SH3TC1: variants seen among roughly 807,000 people sequenced by gnomAD.
The protein encoded by SH3TC1 is SH3 domain and tetratricopeptide repeat-containing protein 1.
In SH3TC1, 135 loss-of-function variants were observed where a neutral mutation model predicts 117.3. The observed-to-expected ratio is 1.15, with a 90% CI of 1.00 to 1.33. The LOEUF is 1.33. SH3TC1 is among the 40% of genes most tolerant of loss of function. The probability of loss-of-function intolerance (pLI) is 0.00; values close to 1 mark genes in which losing one functional copy is unlikely to be tolerated. For missense variants in SH3TC1, 2,092 were observed against 1,794.3 expected, an observed-to-expected ratio of 1.17 and a Z score of -3.00; for synonymous variants, 898 against 816.9, an observed-to-expected ratio of 1.10 and a Z score of -1.69.
At position 8,232,035 on chromosome 4, in the gene SH3TC1, G is replaced by T. The variant is rs547217560; in HGVS notation, c.3010G>T (p.Ala1004Ser). Residue 1004 changes from alanine (A) to serine (S), a missense_variant, in exon 13 of 18, where the codon GCC becomes TCC. Ala to Ser is a moderately conservative substitution (Grantham distance 99). Transcript: ENST00000245105. ...CTACAGCGCCGTCATGCCCAGCGAG[G>T]CCCAGTGTGTCATCTACCATGAGCT... ...HFYSAVMPSE[A>S]QCVIYHELQL... 22 of 1,613,070 alleles carry T rather than the reference G, an allele frequency of 1.4e-5. No homozygotes were observed. The highest frequency in any genetic ancestry group is 1.8e-5 in the Non-Finnish European group (21 of 1,180,028).
rs1419617018 is a variant in SH3TC1 at position 8,205,510 on chromosome 4, T to C, written c.172+144T>C. 3.5e-6 allele frequency: 4 copies of C among 1,141,944 alleles called. No individual in the cohort carries two copies. The African/African-American group carries it at 6.1e-5, about 17-fold the overall frequency. The allele number at this position is 1,141,944 out of a possible 1,614,324, so 70.7% of individuals were successfully genotyped here. A position where few individuals can be genotyped will look rare whatever the true frequency, so the allele number is the denominator to read the frequency against. ...GGAGTCTGCTCTCCATCACTTCTCG[T>C]TTCCTTCCCCCGCGTGTGTTTAACA... On this transcript the variant is annotated intron_variant, in intron 2 of 17. Transcript: ENST00000245105. This position sits in a 1 kb window ranked among gnomAD's most constrained non-coding sequence, Gnocchi z 5.4.
intron 7 of SH3TC1, among the ~76,000 whole-genome samples, chr4:8,217,835 T>C (rs1719445949): frequency 2.0e-5 from 3 of 152,186 alleles, no homozygotes; most frequent in Admixed American, 2.0e-4. Context: ...TTTTTCTGGC[T>C]GAAGGAACTG....
In SH3TC1 at chr4:8,219,493, C is replaced by G. The variant is rs138612545; in HGVS notation, c.1075C>G (p.Arg359Gly). Residue 359 changes from arginine to glycine, a missense_variant, in exon 9 of 18, where the codon CGG becomes GGG. Transcript: ENST00000245105. ...HAASGRVGFV[R>G]SSLISMQGPV... is the part of the protein sequence containing the mutation. ...AGCCTCGGGCCGGGTGGGGTTTGTG[C>G]GGAGCAGCCTCATCAGCATGCAGGG... The G allele has an allele frequency of 1.6e-5, 26 of 1,594,696 alleles. No individual in the cohort carries two copies. The highest frequency in any genetic ancestry group is 5.1e-5 in the Admixed American group (3 of 58,608).
chr4:8,201,194 G>C (rs1201530256), intron 1 of SH3TC1, among the ~76,000 whole-genome samples: 1 of 152,152 alleles, frequency 6.6e-6, no homozygotes, highest in Non-Finnish European at 1.5e-5. Flanking sequence ...GGCTGGCCGC[G>C]GCCCTCTCCC....
Position 8,232,176 on chromosome 4 carries a change from T to C in SH3TC1, c.3131+20T>C, listed in dbSNP as rs1170112490. On this transcript the variant is annotated intron_variant, in intron 13 of 17. Transcript: ENST00000245105. ...CGAGCGGTGAGGGCTGGCTCTGTGG[T>C]GGTGGGGGCGGGGGGAGGGGGCAAA... is the stretch of plus-strand genomic sequence containing the variant. 8.1e-6 allele frequency: 1 copy of C among 123,852 alleles called. No homozygotes were observed. Among genetic ancestry groups the C allele is most frequent in the Admixed American group, 1.8e-4 (1 of 5,416 alleles). 7.7% of individuals were successfully genotyped at this position (123,852 alleles called of 1,614,324 possible). A position where few individuals can be genotyped will look rare whatever the true frequency, so the allele number is the denominator to read the frequency against.
At chr4:8,237,114 ACC>A (rs754398433) in intron 16 of SH3TC1, 17 of 246,882 alleles carry the variant, frequency 6.9e-5, no homozygotes, top group Non-Finnish European at 1.2e-4. Flanking sequence ...ATGATGACAC[ACC>A]CAGGAAGAGT....
rs954665925 is a variant in SH3TC1 at position 8,236,269 on chromosome 4, G to A, written c.3406-9G>A. On this transcript the variant is annotated splice_polypyrimidine_tract_variant and intron_variant, in intron 15 of 17. Coordinates refer to ENST00000245105, the MANE Select transcript of SH3TC1 (RefSeq NM_018986.5). The stretch of plus-strand genomic sequence containing the variant: ...GCGGGAAGCCTGACCCCACCTGCCT[G>A]TGTGGCAGGACCGGGCCCTGCCCCT... 1.3e-6 allele frequency: 2 copies of A among 1,543,510 alleles called. No individual in the cohort carries two copies. The highest frequency in any genetic ancestry group is 2.4e-5 in the East Asian group (1 of 40,998).
At chr4:8,240,004 G>A (rs1424104577) in intron 17 of SH3TC1, among the ~76,000 whole-genome samples, 1 of 152,238 alleles carries the variant, frequency 6.6e-6, no homozygotes, top group African/African-American at 2.4e-5. Context: ...GGCCCTGGGA[G>A]CCATCTTGAG....
intron 8 of SH3TC1, among the ~76,000 whole-genome samples, chr4:8,218,987 G>C (rs539797916): frequency 6.6e-6 from 1 of 152,150 alleles, no homozygotes; most frequent in African/African-American, 2.4e-5. Flanking sequence ...CTGTCAGGGG[G>C]ACTAAAGCCC....
At position 8,227,825 on chromosome 4, in the gene SH3TC1, C is replaced by G. The variant is rs568400726; in HGVS notation, c.2131C>G (p.Leu711Val). ...GGCCGCGTGGCTCTCAGACTGCTAC[C>G]TACTCCTGGCTGACATCTACAGCCG... ...PEAAWLSDCY[L>V]LLADIYSRKC... is the part of the protein sequence containing the mutation. Residue 711 changes from leucine (L) to valine (V), a missense_variant, in exon 12 of 18, where the codon CTA (leucine) becomes GTA (valine). Transcript: ENST00000245105. 232 of 1,612,818 alleles carry G rather than the reference C, an allele frequency of 1.4e-4. 3 individuals carry two copies. In the South Asian group the frequency reaches 2.3e-3, roughly 16 times the overall value.
Position 8,225,080 on chromosome 4 carries a change from G to A in SH3TC1, c.1244-95G>A. 5 of 1,457,038 alleles carry A rather than the reference G, an allele frequency of 3.4e-6. No homozygotes were observed. In the Admixed American group the frequency reaches 7.5e-5, roughly 22 times the overall value. 90.3% of individuals were successfully genotyped at this position (1,457,038 alleles called of 1,614,324 possible). ...GCCCTCAATACCTGCACCCAGCAAT[G>A]CTCTCACCCTGCAACATCGACACTA... On this transcript the variant is annotated intron_variant, in intron 10 of 17. Transcript: ENST00000245105. This position sits in a 1 kb window ranked among gnomAD's most constrained non-coding sequence, Gnocchi z 5.5.
intron 3 of SH3TC1, among the ~76,000 whole-genome samples, chr4:8,211,595 C>T (rs1457627192): frequency 1.3e-5 from 2 of 150,522 alleles, no homozygotes; most frequent in African/African-American, 2.5e-5. Flanking sequence ...GAGGCCAAAG[C>T]CCCTGGAATG....
At chr4:8,222,764 G>T in intron 9 of SH3TC1, 76 bp from the exon 10 acceptor site, 3 of 1,551,474 alleles carry the variant, frequency 1.9e-6, no homozygotes, top group Non-Finnish European at 2.6e-6. Context: ...TCAAATCAAG[G>T]AATGGAAATG....
intron 14 of SH3TC1, 94 bp from the exon 15 acceptor site, chr4:8,235,339 T>C: frequency 1.5e-6 from 2 of 1,373,582 alleles, no homozygotes; most frequent in Non-Finnish European, 1.9e-6. Context: ...CTGCAGTGTG[T>C]GAGAGGAAGG....
chr4:8,241,017 T>C lies in SH3TC1; in HGVS notation c.*62T>C. Reference sequence around the variant, plus strand: ...TGGGGGTCTCCTGCCTCTCCTGGTGTCGCCGGTGGCTCATTTTCTGGCAAA... The same window carrying C: ...TGGGGGTCTCCTGCCTCTCCTGGTGCCGCCGGTGGCTCATTTTCTGGCAAA... On this transcript the variant is annotated 3_prime_UTR_variant, in exon 18 of 18. Transcript: ENST00000245105. 6.4e-7 allele frequency: 1 copy of C among 1,571,640 alleles called. No individual in the cohort carries two copies. Among genetic ancestry groups the C allele is most frequent in the East Asian group, 2.3e-5 (1 of 44,286 alleles).
intron 1 of SH3TC1, among the ~76,000 whole-genome samples, chr4:8,185,107 G>A (rs988480406): frequency 7.3e-5 from 11 of 151,568 alleles, no homozygotes; most frequent in Non-Finnish European, 1.2e-4. Context: ...AGGCTGAGGC[G>A]GGTGGATCAC....
intron 12 of SH3TC1, among the ~76,000 whole-genome samples, chr4:8,230,059 G>A (rs532739327): frequency 8.2e-4 from 125 of 151,854 alleles, no homozygotes; most frequent in South Asian, 3.5e-3. Flanking sequence ...TCCCCACCCC[G>A]CGTTGAACAG....
At chr4:8,191,963 ATTTATTTATTTATTT>A (rs1717429550) in intron 1 of SH3TC1, among the ~76,000 whole-genome samples, 2 of 1,578 alleles carry the variant, frequency 1.3e-3, no homozygotes, top group Non-Finnish European at 0.036. Context: ...AGTTACATTT[ATTTATTTATTTATTT>A]ATTTATTTAT....
At chr4:8,202,326 G>C (rs1462670547) in intron 1 of SH3TC1, among the ~76,000 whole-genome samples, 1 of 152,244 alleles carries the variant, frequency 6.6e-6, no homozygotes, top group Non-Finnish European at 1.5e-5. Flanking sequence ...AACAGGGAGG[G>C]TGAAGGCCCC....
Sources: allele counts gnomAD v4.1 joint callset (sites outside exome capture counted in the v4.1 genomes callset), GRCh38; gene constraint gnomAD v4.1.1; non-coding constraint Gnocchi (gnomAD v3.1); transcripts MANE v1.5; gene names NCBI Gene and HGNC (gene_info 2026-07-23, HGNC 2026-07-21).